Variants in TEKT1 observed in about 807,000 individuals in gnomAD.
TEKT1 encodes the protein tektin-1.
TEKT1 carries 32 observed loss-of-function variants against 34.8 expected under a neutral mutation model. The ratio of observed to expected loss-of-function variants is 0.92; its 90% CI spans 0.69 to 1.23. The LOEUF is 1.23. Ranked by LOEUF, TEKT1 falls within the 50% of genes most tolerant of loss-of-function variation. The pLI, the probability that TEKT1 is intolerant of heterozygous loss-of-function variation, is 0.00. For missense variants in TEKT1, 492 were observed against 518.5 expected (o/e 0.95, Z 0.50); for synonymous variants, 207 against 199.8 (o/e 1.04, Z -0.30).
At chr17:6,827,230 G>A (rs1904433901) in intron 2 of TEKT1, among the ~76,000 whole-genome samples, 1 of 148,722 alleles carries the variant, frequency 6.7e-6, no homozygotes, top group South Asian at 2.2e-4. Context: ...TCTTCCAACT[G>A]TGTTCTTCTT....
chr17:6,804,055 T>G (rs1005966096), intron 6 of TEKT1, among the ~76,000 whole-genome samples: 3 of 152,234 alleles, frequency 2.0e-5, no homozygotes, highest in Non-Finnish European at 4.4e-5. Flanking sequence ...TTGGGCAGTA[T>G]GGCCATTTTC....
chr17:6,831,214 C>T (rs1282915980), intron 1 of TEKT1, among the ~76,000 whole-genome samples: 2 of 152,144 alleles, frequency 1.3e-5, no homozygotes, highest in Non-Finnish European at 2.9e-5. Flanking sequence ...CTAAAATTAC[C>T]CATTTCATCT....
intron 5 of TEKT1, 73 bp downstream of exon 5, chr17:6,815,090 C>T (rs1427859881): frequency 4.6e-6 from 7 of 1,532,812 alleles, no homozygotes; most frequent in South Asian, 2.6e-5. Flanking sequence ...GCTGCAAGGA[C>T]GAGCCGCTAG....
At chr17:6,823,043 C>T (rs940527003) in intron 2 of TEKT1, among the ~76,000 whole-genome samples, 2 of 152,172 alleles carry the variant, frequency 1.3e-5, no homozygotes, top group African/African-American at 4.8e-5. Context: ...AGGGTAGAAG[C>T]CTGGCTACCA....
chr17:6,815,058 A>C lies in TEKT1; in HGVS notation c.629+105T>G, dbSNP rs1053319310. The C allele has an allele frequency of 3.5e-6, 5 of 1,432,812 alleles. No individual in the cohort carries two copies. The African/African-American group carries it at 7.2e-5, about 21-fold the overall frequency. 88.8% of individuals were successfully genotyped at this position (1,432,812 alleles called of 1,614,324 possible). ...TCAATGCTGCCTTTGCCCCAAGCCCACCACTTCCAAGCTCTCAGCCAGCTG... is the reference window on the plus strand; with the variant it reads ...TCAATGCTGCCTTTGCCCCAAGCCCCCCACTTCCAAGCTCTCAGCCAGCTG... On this transcript the variant is annotated intron_variant, in intron 5 of 7. Coordinates refer to ENST00000338694, the MANE Select transcript of TEKT1 (RefSeq NM_053285.2).
chr17:6,823,756 T>C (rs1346301932), intron 2 of TEKT1, among the ~76,000 whole-genome samples: 1 of 151,934 alleles, frequency 6.6e-6, no homozygotes, highest in Non-Finnish European at 1.5e-5. Flanking sequence ...TCTCAGTCTC[T>C]TAGACATTTA....
intron 6 of TEKT1, among the ~76,000 whole-genome samples, chr17:6,807,431 GA>G (rs1313468445): frequency 6.6e-6 from 1 of 152,054 alleles, no homozygotes; most frequent in Non-Finnish European, 1.5e-5. Flanking sequence ...CTTTAGCTCA[GA>G]GTAGTTTGAT....
At chr17:6,829,957 T>A (rs948202570) in intron 2 of TEKT1, among the ~76,000 whole-genome samples, 1 of 152,182 alleles carries the variant, frequency 6.6e-6, no homozygotes, top group Non-Finnish European at 1.5e-5. Context: ...AGATGCTCAA[T>A]AACTGTGCAT....
At chr17:6,802,754 T>C (rs1381965976) in intron 6 of TEKT1, among the ~76,000 whole-genome samples, 1 of 152,110 alleles carries the variant, frequency 6.6e-6, no homozygotes, top group African/African-American at 2.4e-5. Context: ...GTCTTTGCGA[T>C]AGTTTGCTGA....
intron 3 of TEKT1, among the ~76,000 whole-genome samples, chr17:6,817,363 G>A (rs906699293): frequency 5.9e-5 from 9 of 151,954 alleles, no homozygotes; most frequent in East Asian, 1.9e-4. Context: ...CAACAAGAGC[G>A]AAACTCCATC....
In TEKT1 at chr17:6,800,904, C is replaced by T. The variant is rs1220098870; in HGVS notation, c.892G>A (p.Ala298Thr). ...TGGTCAAGGATGGCCTTTTCAAGAG[C>T]TGTAATATTTTTCTCCTGGGAAGCA... is the stretch of plus-strand genomic sequence containing the variant. ...EIASQEKNITALEKAILDQEG... is the reference protein window; with the variant it reads ...EIASQEKNITTLEKAILDQEG... Residue 298 changes from alanine to threonine, a missense_variant, in exon 7 of 8, where the codon GCT becomes ACT. Transcript: ENST00000338694. The T allele has an allele frequency of 6.2e-6, 10 of 1,613,906 alleles. No individual in the cohort carries two copies. Among genetic ancestry groups the T allele is most frequent in the Non-Finnish European group, 8.5e-6 (10 of 1,179,972 alleles).
intron 2 of TEKT1, 100 bp from the exon 3 acceptor site, chr17:6,819,458 G>T: frequency 8.1e-7 from 1 of 1,241,124 alleles, no homozygotes; most frequent in Non-Finnish European, 1.1e-6. Context: ...CCTGTGACAT[G>T]CTCTTTTCCT....
chr17:6,815,941 G>A lies in TEKT1; in HGVS notation c.378C>T (p.Asp126=). The A allele has an allele frequency of 1.2e-6, 2 of 1,614,090 alleles. No homozygotes were observed. Among genetic ancestry groups the A allele is most frequent in the Non-Finnish European group, 1.7e-6 (2 of 1,180,022 alleles). The change falls in exon 4 of 8, where the codon GAC becomes GAT. Residue 126 remains aspartate (D), a synonymous_variant. Coordinates refer to ENST00000338694, the MANE Select transcript of TEKT1 (RefSeq NM_053285.2). ...CATGCTCCACTGTGTCGTGCACCAG[G>A]TCAATGCCAATGCGCTTCTCCCTGG... The part of the protein sequence containing the change: ...LAYREKRIGI[D]LVHDTVEHEL...
intron 6 of TEKT1, among the ~76,000 whole-genome samples, chr17:6,804,020 G>A (rs1337353247): frequency 6.6e-6 from 1 of 152,136 alleles, no homozygotes; most frequent in Non-Finnish European, 1.5e-5. Flanking sequence ...GCTTGATGGG[G>A]ATGGCATTGA....
intron 3 of TEKT1, among the ~76,000 whole-genome samples, chr17:6,818,319 T>C (rs978702021): frequency 2.6e-5 from 4 of 152,192 alleles, no homozygotes; most frequent in African/African-American, 4.8e-5. Context: ...TAGGGGACTA[T>C]GCTAACAGCA....
rs1456830341 is a variant in TEKT1, at chr17:6,813,026, G to T, written c.657C>A (p.Asp219Glu). The part of the protein sequence containing the change: ...PNSVSLEDWL[D>E]FSSTNVEKAD... ...CCTTCTCCACATTGGTGCTGGAGAA[G>T]TCCAACCAGTCTTCCAGACTCACGG... The change falls in exon 6 of 8, where the codon GAC (aspartate) becomes GAA (glutamate). Residue 219 changes from aspartate to glutamate, a missense_variant. Physicochemically the swap from Asp to Glu is conservative, Grantham distance 45. Transcript: ENST00000338694. 4 of 1,614,002 alleles carry T rather than the reference G, an allele frequency of 2.5e-6. No individual in the cohort carries two copies. The South Asian group carries it at 3.3e-5, about 13-fold the overall frequency.
At chr17:6,820,554 G>C (rs980222696) in intron 2 of TEKT1, among the ~76,000 whole-genome samples, 1 of 152,056 alleles carries the variant, frequency 6.6e-6, no homozygotes, top group Non-Finnish European at 1.5e-5. Flanking sequence ...GGGTAGCATA[G>C]TGATTCCTTC....
At chr17:6,827,146 G>C (rs1229234111) in intron 2 of TEKT1, among the ~76,000 whole-genome samples, 1 of 152,058 alleles carries the variant, frequency 6.6e-6, no homozygotes, top group Non-Finnish European at 1.5e-5. Flanking sequence ...TTGGTCAACA[G>C]GTCTATCCTC....
At chr17:6,801,117 G>A (rs17731932) in intron 6 of TEKT1, among the ~76,000 whole-genome samples, 174 bp from the exon 7 acceptor site, 19,429 of 152,092 alleles carry the variant, frequency 0.13, 1,483 homozygotes, top group Admixed American at 0.15. Flanking sequence ...TGGTGGGCAA[G>A]GTCACATAAG....
Sources: gnomAD v4.1 joint callset for allele counts (sites outside exome capture counted in the v4.1 genomes callset) on GRCh38, gnomAD v4.1.1 for gene constraint, MANE v1.5 for transcripts, NCBI Gene and HGNC (gene_info 2026-07-23, HGNC 2026-07-21) for gene names.